HID1: variants seen among roughly 807,000 people sequenced by gnomAD.
HID1 encodes the protein HID1 domain containing, also known as protein HID1.
In HID1, 42 loss-of-function variants were observed where a neutral mutation model predicts 89.7. The observed-to-expected ratio is 0.47, with a 90% CI of 0.37 to 0.61. The LOEUF is 0.61. HID1 is among the 20% of genes least tolerant of loss of function. HID1 has a pLI of 0.00. For missense variants in HID1, 854 were observed against 1,039.3 expected, an observed-to-expected ratio of 0.82 and a Z score of 2.45; for synonymous variants, 442 against 433.8, an observed-to-expected ratio of 1.02 and a Z score of -0.24.
intron 2 of HID1, 38 bp from the exon 3 acceptor site, chr17:74,963,948 G>A (rs1213750845): frequency 1.9e-6 from 3 of 1,610,300 alleles, no homozygotes; most frequent in Non-Finnish European, 2.5e-6. Context: ...AGGCTGGAAG[G>A]TGGGGAAAGG....
At chr17:74,969,318 C>G (rs980103907) in intron 1 of HID1, among the ~76,000 whole-genome samples, 1 of 151,884 alleles carries the variant, frequency 6.6e-6, no homozygotes, top group African/African-American at 2.4e-5. Flanking sequence ...CCTCAGCCCC[C>G]GGGATTACAG....
Position 74,951,383 on chromosome 17 carries a change from T to C in HID1, c.*187A>G. 1 of 610,346 alleles carries C rather than the reference T, an allele frequency of 1.6e-6. No homozygotes were observed. The highest frequency in any genetic ancestry group is 2.9e-6 in the Non-Finnish European group (1 of 343,194). The allele number at this position is 610,346 out of a possible 1,614,324, so 37.8% of individuals were successfully genotyped here. A position where few individuals can be genotyped will look rare whatever the true frequency, so the allele number is the denominator to read the frequency against. ...GGCTCCTGTGAGTCCAGCCTAGGGGTTGAGGGGGATCTGAGCCAGTTCACA... is the reference window on the plus strand; with the variant it reads ...GGCTCCTGTGAGTCCAGCCTAGGGGCTGAGGGGGATCTGAGCCAGTTCACA... On this transcript the variant is annotated 3_prime_UTR_variant, in exon 19 of 19. Transcript: ENST00000425042.
At chr17:74,963,623 C>T in intron 3 of HID1, 117 bp downstream of exon 3, 1 of 1,030,570 alleles carries the variant, frequency 9.7e-7, no homozygotes, top group Non-Finnish European at 1.4e-6. Context: ...CCACTGGCCC[C>T]ACCCCTGTAC....
rs1247395340 is a variant in HID1 at position 74,953,091 on chromosome 17, C to A, written c.1972-5G>T. 19 of 1,601,144 alleles carry A rather than the reference C, an allele frequency of 1.2e-5. No individual in the cohort carries two copies. Among genetic ancestry groups the A allele is most frequent in the Non-Finnish European group, 1.5e-5 (18 of 1,175,168 alleles). ...CCTCCATGCCTGGCTGGGCTCCTGGCCCCCAGAAAGGAACAGGGGTGAGGG... is the reference window on the plus strand; with the variant it reads ...CCTCCATGCCTGGCTGGGCTCCTGGACCCCAGAAAGGAACAGGGGTGAGGG... On this transcript the variant is annotated splice_polypyrimidine_tract_variant and splice_region_variant and intron_variant, in intron 15 of 18. Transcript: ENST00000425042.
chr17:74,964,677 A>G (rs367958035), intron 1 of HID1, 45 bp from the exon 2 acceptor site: 1 of 1,583,672 alleles, frequency 6.3e-7, no homozygotes. Context: ...TCCTGGCCAG[A>G]GGGCCTACAC....
intron 15 of HID1, 76 bp downstream of exon 15, chr17:74,953,469 C>G (rs2039338156): frequency 2.4e-6 from 3 of 1,254,344 alleles, no homozygotes; most frequent in Non-Finnish European, 3.4e-6. Flanking sequence ...AGTGCCCCGG[C>G]CCAGCCCCTA....
intron 15 of HID1, among the ~76,000 whole-genome samples, 159 bp from the exon 16 acceptor site, chr17:74,953,245 T>C (rs1294730623): frequency 6.6e-6 from 1 of 151,804 alleles, no homozygotes; most frequent in East Asian, 1.9e-4. Context: ...CCCAACCTAG[T>C]GACAGGTTTA....
chr17:74,964,501 C>T lies in HID1; in HGVS notation c.198G>A (p.Leu66=), dbSNP rs2039532708. The part of the protein sequence containing the change: ...RAVREESPSN[L]ATLCYKAVEK... ...CCCTCACCTTGTAGCACAGGGTGGCCAAGTTGGAGGGTGACTCTTCCCGCA... is the reference window on the plus strand; with the variant it reads ...CCCTCACCTTGTAGCACAGGGTGGCTAAGTTGGAGGGTGACTCTTCCCGCA... The change falls in exon 2 of 19, where the codon TTG becomes TTA. Residue 66 remains leucine (L), a synonymous_variant. Transcript: ENST00000425042. 1 of 1,610,032 alleles carries T rather than the reference C, an allele frequency of 6.2e-7. No individual in the cohort carries two copies. Among genetic ancestry groups the T allele is most frequent in the Non-Finnish European group, 8.5e-7 (1 of 1,178,590 alleles).
chr17:74,957,886 C>A lies in HID1; in HGVS notation c.1471+255G>T, dbSNP rs1598621405. On this transcript the variant is annotated intron_variant, in intron 12 of 18. Coordinates refer to ENST00000425042, the MANE Select transcript of HID1 (RefSeq NM_030630.3). Reference sequence around the variant, plus strand: ...CTGCACTCCAGCCTGGGCGACAAGACTGAGTGTGAGAAGGGAATATTAAAT... The same window carrying A: ...CTGCACTCCAGCCTGGGCGACAAGAATGAGTGTGAGAAGGGAATATTAAAT... The A allele has an allele frequency of 8.4e-6, 4 of 475,398 alleles. No homozygotes were observed. In the East Asian group the frequency reaches 1.2e-4, roughly 14 times the overall value. 29.4% of individuals were successfully genotyped at this position (475,398 alleles called of 1,614,324 possible). A position where few individuals can be genotyped will look rare whatever the true frequency, so the allele number is the denominator to read the frequency against.
At chr17:74,970,386 C>T (rs548064270) in intron 1 of HID1, among the ~76,000 whole-genome samples, 27 of 152,314 alleles carry the variant, frequency 1.8e-4, no homozygotes, top group Admixed American at 3.3e-4. Context: ...ACCATGCATT[C>T]CCATGCACAT....
intron 17 of HID1, 34 bp downstream of exon 17, chr17:74,952,235 C>T (rs758260403): frequency 6.3e-7 from 1 of 1,594,908 alleles, no homozygotes; most frequent in Admixed American, 1.7e-5. Context: ...CCGGCCCCGC[C>T]CACAACCCCC....
intron 12 of HID1, among the ~76,000 whole-genome samples, chr17:74,957,358 G>T (rs1256586948): frequency 1.3e-5 from 2 of 150,540 alleles, no homozygotes; most frequent in African/African-American, 2.4e-5. Flanking sequence ...GGTGGCACAT[G>T]CTGTGATCCC....
intron 1 of HID1, among the ~76,000 whole-genome samples, chr17:74,967,574 G>GAT (rs2039581715): frequency 6.6e-6 from 1 of 151,948 alleles, no homozygotes; most frequent in East Asian, 1.9e-4. Flanking sequence ...TAATGGCTGG[G>GAT]CACAGTGGCT....
At position 74,951,555 on chromosome 17, in the gene HID1, T is replaced by C; in HGVS notation, c.*15A>G. The C allele has an allele frequency of 1.2e-6, 2 of 1,607,228 alleles. No homozygotes were observed. Among genetic ancestry groups the C allele is most frequent in the South Asian group, 2.2e-5 (2 of 89,454 alleles). On this transcript the variant is annotated 3_prime_UTR_variant, in exon 19 of 19. Transcript: ENST00000425042. ...CCTGCCTTCCCCTAGACTGAGCCCC[T>C]CGTCGGCTTCATCCTCACACCCGCT... is the stretch of plus-strand genomic sequence containing the variant.
chr17:74,962,325 C>A lies in HID1; in HGVS notation c.520G>T (p.Val174Phe). 6.2e-7 allele frequency: 1 copy of A among 1,609,562 alleles called. No homozygotes were observed. The highest frequency in any genetic ancestry group is 8.5e-7 in the Non-Finnish European group (1 of 1,176,740). The stretch of plus-strand genomic sequence containing the variant: ...TATTCACAGCTGTCCAGGGAGTGGA[C>A]GTCCTCTGCCGAGTCCTGGGGACAG... ...RRSTVDSAED[V>F]HSLDSCEYIW... Residue 174 changes from valine to phenylalanine, a missense_variant, in exon 5 of 19, where the codon GTC becomes TTC. Physicochemically the swap from Val to Phe is conservative, Grantham distance 50. Transcript: ENST00000425042. This position sits in a 1 kb window ranked among gnomAD's most constrained non-coding sequence, Gnocchi z 4.3.
intron 6 of HID1, among the ~76,000 whole-genome samples, chr17:74,960,523 A>C (rs1489057158): frequency 2.0e-5 from 3 of 152,216 alleles, no homozygotes; most frequent in Non-Finnish European, 4.4e-5. Flanking sequence ...CAGGGAGCAG[A>C]GCCCACGCTC....
In HID1 at chr17:74,969,917, T is replaced by C. The variant is rs988488356; in HGVS notation, c.66+2674A>G. Among the ~76,000 whole-genome samples, 49 of 81,084 alleles carry C rather than the reference T, an allele frequency of 6.0e-4. 1 individual carries two copies. Among genetic ancestry groups the C allele is most frequent in the African/African-American group, 1.7e-3 (49 of 28,094 alleles). The allele number at this position is 81,084 out of a possible 152,430, so 53.2% of individuals were successfully genotyped here. Reference sequence around the variant, plus strand: ...CGCCTGGCCAAAATCAGATTTTTCTTTTTTCTTTTTTTTTTTTTTTTTTGA... The same window carrying C: ...CGCCTGGCCAAAATCAGATTTTTCTCTTTTCTTTTTTTTTTTTTTTTTTGA... On this transcript the variant is annotated intron_variant, in intron 1 of 18. Transcript: ENST00000425042.
In HID1 at chr17:74,962,009, G is replaced by C. The variant is rs1353976089; in HGVS notation, c.612-20C>G. The C allele has an allele frequency of 6.6e-7, 1 of 1,513,222 alleles. No homozygotes were observed. Among genetic ancestry groups the C allele is most frequent in the Non-Finnish European group, 8.9e-7 (1 of 1,120,032 alleles). The allele number at this position is 1,513,222 out of a possible 1,614,324, so 93.7% of individuals were successfully genotyped here. A position where few individuals can be genotyped will look rare whatever the true frequency, so the allele number is the denominator to read the frequency against. On this transcript the variant is annotated intron_variant, in intron 5 of 18. Coordinates refer to ENST00000425042, the MANE Select transcript of HID1 (RefSeq NM_030630.3). The surrounding 1 kb of genome is among the most constrained non-coding windows in gnomAD (Gnocchi z 4.3). The stretch of plus-strand genomic sequence containing the variant: ...TCCATCCTTGTAGGAGGAAGGGGGA[G>C]GGCACCTTAGGATCCCAGTCCCCTC...
intron 13 of HID1, chr17:74,954,833 G>A (rs1274144020): frequency 1.9e-5 from 3 of 161,020 alleles, no homozygotes; most frequent in Non-Finnish European, 2.6e-5. Context: ...CCTGCCTTAT[G>A]CCATACTCTT....
Sources: gnomAD v4.1 joint callset for allele counts (sites outside exome capture counted in the v4.1 genomes callset) on GRCh38, gnomAD v4.1.1 for gene constraint, Gnocchi (gnomAD v3.1) non-coding constraint, MANE v1.5 for transcripts, NCBI Gene and HGNC (gene_info 2026-07-23, HGNC 2026-07-21) for gene names.